The following EXOC6 variants were observed in gnomAD, a reference collection of about 807,000 sequenced individuals.
EXOC6 encodes the protein exocyst complex component 6.
EXOC6 carries 60 observed loss-of-function variants against 112.5 expected under a neutral mutation model. That is an observed-to-expected ratio of 0.53 (90% confidence interval 0.43 to 0.66). The LOEUF is 0.66. EXOC6 is among the 30% of genes least tolerant of loss of function. The probability of loss-of-function intolerance (pLI) is 0.00; values close to 1 mark genes in which losing one functional copy is unlikely to be tolerated. For synonymous variants in EXOC6, 295 were observed against 308.0 expected (o/e 0.96, Z 0.44); for missense variants, 855 against 957.1 (o/e 0.89, Z 1.41).
intron 8 of EXOC6, among the ~76,000 whole-genome samples, chr10:92,923,809 T>C (rs1330574265): frequency 6.6e-6 from 1 of 152,190 alleles, no homozygotes; most frequent in African/African-American, 2.4e-5. Flanking sequence ...TGGGGATCTT[T>C]GGAGGCTGTT....
At chr10:92,885,914 T>C (rs1849190637) in intron 1 of EXOC6, among the ~76,000 whole-genome samples, 1 of 152,166 alleles carries the variant, frequency 6.6e-6, no homozygotes. Context: ...TATACTCTTA[T>C]TGGATGTGGG....
Position 92,893,351 on chromosome 10 carries a change from C to T in EXOC6, c.104C>T (p.Ser35Phe). ...TTAGCTTTCTTATATACATTCAGGT[C>T]TGTGTATGATGACCAACCAAATGCG... ...DTACVGPTLR[S>F]VYDDQPNAHK... Residue 35 changes from serine to phenylalanine, a missense_variant and splice_region_variant, in exon 2 of 22, where the codon TCT becomes TTT. Transcript: ENST00000260762. 6.2e-7 allele frequency: 1 copy of T among 1,603,056 alleles called. No individual in the cohort carries two copies.
exon 1 of EXOC6, chr10:92,834,731 G>A (rs781760861): frequency 6.2e-7 from 1 of 1,603,732 alleles, no homozygotes; most frequent in South Asian, 1.1e-5. Flanking sequence ...TTAGGGGCCT[G>A]TCGAGCGATG....
At chr10:92,862,062 G>T (rs1440337516) in intron 1 of EXOC6, among the ~76,000 whole-genome samples, 1 of 152,136 alleles carries the variant, frequency 6.6e-6, no homozygotes, top group Non-Finnish European at 1.5e-5. Context: ...CATTCACAGT[G>T]CTGTGCAGCC....
chr10:92,840,959 A>G (rs981687146), intron 1 of EXOC6, among the ~76,000 whole-genome samples: 3 of 152,072 alleles, frequency 2.0e-5, no homozygotes, highest in Admixed American at 2.0e-4. Flanking sequence ...TACCCAGCCT[A>G]TTTATAGGGT....
intron 17 of EXOC6, among the ~76,000 whole-genome samples, chr10:92,957,300 C>G (rs1853747042): frequency 6.6e-6 from 1 of 152,094 alleles, no homozygotes; most frequent in South Asian, 2.1e-4. Flanking sequence ...ACCCAGTACC[C>G]TCTGATTAAA....
intron 19 of EXOC6, among the ~76,000 whole-genome samples, chr10:93,009,471 G>A (rs1018031284): frequency 3.3e-5 from 5 of 152,112 alleles, no homozygotes; most frequent in East Asian, 1.9e-4. Context: ...TGAAGTTACC[G>A]TCCCTGCTCT....
chr10:92,921,650 CTTT>C (rs555576702), intron 8 of EXOC6, among the ~76,000 whole-genome samples: 9 of 138,822 alleles, frequency 6.5e-5, no homozygotes, highest in Non-Finnish European at 6.3e-5. Context: ...TTCTTTCTTT[CTTT>C]TTTTTTTTTT....
chr10:92,934,452 A>T (rs1325097323), intron 11 of EXOC6, 22 bp downstream of exon 11: 2 of 1,530,602 alleles, frequency 1.3e-6, no homozygotes, highest in Non-Finnish European at 1.7e-6. Flanking sequence ...AATTTACATT[A>T]CTAAAATTTT....
intron 5 of EXOC6, among the ~76,000 whole-genome samples, chr10:92,906,827 T>G (rs1850469551): frequency 6.6e-6 from 1 of 152,168 alleles, no homozygotes; most frequent in Non-Finnish European, 1.5e-5. Context: ...CATGATAGCA[T>G]CAGATCATAG....
intron 6 of EXOC6, among the ~76,000 whole-genome samples, chr10:92,910,605 A>T (rs1233700735): frequency 2.0e-5 from 3 of 147,242 alleles, no homozygotes; most frequent in African/African-American, 5.4e-5. Flanking sequence ...AAAAAACTAT[A>T]AAAAAAATAA....
chr10:92,994,706 C>G (rs986297960), intron 18 of EXOC6, among the ~76,000 whole-genome samples: 2 of 151,498 alleles, frequency 1.3e-5, no homozygotes, highest in African/African-American at 4.8e-5. Context: ...TTTAAAAGAT[C>G]GTTGTAAAAG....
intron 5 of EXOC6, among the ~76,000 whole-genome samples, chr10:92,903,402 C>CT (rs544981825): frequency 6.7e-6 from 1 of 149,464 alleles, no homozygotes; most frequent in Non-Finnish European, 1.5e-5. Flanking sequence ...TCAGTGAAAT[C>CT]AGAGGTAGAA....
chr10:92,895,602 A>T (rs77173792), intron 4 of EXOC6, among the ~76,000 whole-genome samples: 1 of 152,168 alleles, frequency 6.6e-6, no homozygotes, highest in Admixed American at 6.6e-5. Context: ...GAAATTAACT[A>T]GTATTTTCTT....
chr10:92,840,541 C>A (rs1366234727), intron 1 of EXOC6, among the ~76,000 whole-genome samples: 1 of 152,020 alleles, frequency 6.6e-6, no homozygotes, highest in Non-Finnish European at 1.5e-5. Context: ...ACTTTAGAGT[C>A]CTGAAGTAAA....
In EXOC6 at chr10:92,977,657, A is replaced by G. The variant is rs182642148; in HGVS notation, c.1953+3425A>G. 2.6e-5 allele frequency among the ~76,000 whole-genome samples: 4 copies of G among 152,208 alleles called. No homozygotes were observed. In the East Asian group the frequency reaches 7.7e-4, roughly 29 times the overall value. On this transcript the variant is annotated intron_variant, in intron 18 of 21. Transcript: ENST00000260762. ...AGCCAAAAGCAGTCCTCAAGAACAA[A>G]CACATGTACGTGCTTGCAGACACAC...
chr10:92,968,164 C>G (rs1203919446), intron 17 of EXOC6, among the ~76,000 whole-genome samples: 1 of 146,570 alleles, frequency 6.8e-6, no homozygotes, highest in Non-Finnish European at 1.5e-5. Context: ...CACCCCTTTC[C>G]ACTGGTTAGT....
chr10:92,877,256 C>T (rs1682576082), intron 1 of EXOC6, among the ~76,000 whole-genome samples: 1 of 151,740 alleles, frequency 6.6e-6, no homozygotes, highest in Admixed American at 6.6e-5. Context: ...ATAATATCAG[C>T]AACTGAAAGA....
At position 92,893,416 on chromosome 10, in the gene EXOC6, A is replaced by T; in HGVS notation, c.169A>T (p.Asn57Tyr). 6.2e-7 allele frequency: 1 copy of T among 1,613,300 alleles called. No individual in the cohort carries two copies. The highest frequency in any genetic ancestry group is 1.1e-5 in the South Asian group (1 of 90,998). The change falls in exon 2 of 22, where the codon AAT (asparagine) becomes TAT (tyrosine). Residue 57 changes from asparagine to tyrosine, a missense_variant. By Grantham distance (143) the Asn-to-Tyr change is moderately radical. Around this residue, in one of 2 missense-constraint regions of EXOC6, gnomAD observed 405 missense variants for 393.6 expected, o/e 1.03. Transcript: ENST00000260762. ...GGAAAAGTTAGATGCTTGTATCCGT[A>T]ATCATGACAAGGAAATTGAAAAGAT... ...FMEKLDACIRNHDKEIEKMCN... is the reference protein window; with the variant it reads ...FMEKLDACIRYHDKEIEKMCN...
Sources: allele counts gnomAD v4.1 joint callset (sites outside exome capture counted in the v4.1 genomes callset), GRCh38; gene constraint gnomAD v4.1.1; regional missense constraint gnomAD v4.1.1; transcripts MANE v1.5; gene names NCBI Gene and HGNC (gene_info 2026-07-23, HGNC 2026-07-21).